Variants in RNGTT observed in about 807,000 individuals in gnomAD.
RNGTT encodes mRNA-capping enzyme.
In RNGTT, 33 loss-of-function variants were observed where a neutral mutation model predicts 79.3. That is an observed-to-expected ratio of 0.42 (90% CI 0.32 to 0.56). The LOEUF (loss-of-function observed/expected upper bound fraction) is 0.56, where lower values mean the gene tolerates loss of function less well. RNGTT is among the 20% of genes least tolerant of loss of function. RNGTT has a pLI of 0.17. For missense variants in RNGTT, 497 were observed against 739.1 expected, an observed-to-expected ratio of 0.67 and a Z score of 3.80; for synonymous variants, 222 against 235.9, an observed-to-expected ratio of 0.94 and a Z score of 0.54.
rs71021394 is a variant in RNGTT at position 88,768,139 on chromosome 6, A to AGTGTGTGTGTGTGT, written c.1439+1621_1439+1634dup. Among the ~76,000 whole-genome samples the AGTGTGTGTGTGTGT allele has an allele frequency of 9.2e-3, 1,364 of 148,884 alleles. 8 individuals carry two copies. Among genetic ancestry groups the AGTGTGTGTGTGTGT allele is most frequent in the African/African-American group, 0.025 (1,022 of 40,672 alleles). On this transcript the variant is annotated intron_variant, in intron 13 of 15. Transcript: ENST00000369485. ...AATTAAGCCACAAACATTTAGGGAT[A>AGTGTGTGTGTGTGT]GTGTGTGTGTGTGTGTGTGTGTTTC...
In RNGTT at chr6:88,793,693, C is replaced by T. The variant is rs537893380; in HGVS notation, c.1338+7871G>A. Among the ~76,000 whole-genome samples the T allele has an allele frequency of 1.1e-3, 174 of 152,182 alleles. 5 individuals are homozygous for T. Among genetic ancestry groups the T allele is most frequent in the African/African-American group, 4.0e-3 (167 of 41,556 alleles). ...TAGCCTGGCCAACAAGGTAAAATGC[C>T]ATTTCTACTAAAGAATCACTTGAAC... On this transcript the variant is annotated intron_variant, in intron 12 of 15. Coordinates refer to ENST00000369485, the MANE Select transcript of RNGTT (RefSeq NM_003800.5).
intron 4 of RNGTT, among the ~76,000 whole-genome samples, chr6:88,906,865 T>A (rs1463128012): frequency 6.6e-6 from 1 of 152,190 alleles, no homozygotes; most frequent in Admixed American, 6.5e-5. Context: ...CAATGGCATA[T>A]ATTTGCAAAA....
rs1451108147 is a variant in RNGTT at position 88,963,484 on chromosome 6, G to A, written c.-75C>T. 4.3e-6 allele frequency: 6 copies of A among 1,388,690 alleles called. No homozygotes were observed. The highest frequency in any genetic ancestry group is 3.0e-5 in the African/African-American group (2 of 67,540). The allele number at this position is 1,388,690 out of a possible 1,614,324, so 86.0% of individuals were successfully genotyped here. A position where few individuals can be genotyped will look rare whatever the true frequency, so the allele number is the denominator to read the frequency against. ...TTTGGAGCCGCCTCCCCGTGGTCCG[G>A]TGCACACCGGGGTCCGAGACACCCG... On this transcript the variant is annotated 5_prime_UTR_variant, in exon 1 of 16. Coordinates refer to ENST00000369485, the MANE Select transcript of RNGTT (RefSeq NM_003800.5).
At chr6:88,930,474 G>T (rs1223166423) in intron 2 of RNGTT, among the ~76,000 whole-genome samples, 1 of 151,344 alleles carries the variant, frequency 6.6e-6, no homozygotes, top group East Asian at 1.9e-4. Flanking sequence ...GTGTTTGGGG[G>T]GAAAAAGATT....
At chr6:88,652,159 C>T (rs955616080) in intron 14 of RNGTT, among the ~76,000 whole-genome samples, 1 of 152,186 alleles carries the variant, frequency 6.6e-6, no homozygotes, top group African/African-American at 2.4e-5. Context: ...GATCTTGTGA[C>T]ACTGTAAAAA....
At chr6:88,704,204 G>A (rs1428384282) in intron 13 of RNGTT, among the ~76,000 whole-genome samples, 1 of 135,914 alleles carries the variant, frequency 7.4e-6, no homozygotes, top group Non-Finnish European at 1.5e-5. Context: ...AGCTTGCAGT[G>A]AGCCGAGATA....
intron 13 of RNGTT, among the ~76,000 whole-genome samples, chr6:88,686,929 A>T (rs999660560): frequency 6.8e-6 from 1 of 146,848 alleles, no homozygotes; most frequent in Admixed American, 6.6e-5. Flanking sequence ...CAATCTTGAT[A>T]TAACAAGGAA....
intron 12 of RNGTT, among the ~76,000 whole-genome samples, chr6:88,796,209 T>C (rs761203211): frequency 7.9e-5 from 12 of 152,204 alleles, no homozygotes; most frequent in Non-Finnish European, 1.6e-4. Context: ...ATTATTAAAA[T>C]TAATTTTACC....
chr6:88,938,515 A>G (rs188324995), intron 2 of RNGTT, among the ~76,000 whole-genome samples: 21 of 152,332 alleles, frequency 1.4e-4, no homozygotes, highest in Admixed American at 1.2e-3. Context: ...TGGAAAGTGT[A>G]ATCCACTTAC....
At chr6:88,760,702 G>A (rs1778187197) in intron 13 of RNGTT, among the ~76,000 whole-genome samples, 1 of 151,908 alleles carries the variant, frequency 6.6e-6, no homozygotes, top group South Asian at 2.1e-4. Context: ...TGTGAAAGAG[G>A]CAGAGGGTAG....
intron 12 of RNGTT, among the ~76,000 whole-genome samples, chr6:88,793,110 T>C (rs984908611): frequency 6.6e-6 from 1 of 152,136 alleles, no homozygotes; most frequent in Non-Finnish European, 1.5e-5. Flanking sequence ...ATCAAAAATA[T>C]GATGAAAGGT....
intron 12 of RNGTT, among the ~76,000 whole-genome samples, chr6:88,793,395 T>A (rs1447658870): frequency 1.3e-5 from 2 of 152,216 alleles, no homozygotes; most frequent in African/African-American, 4.8e-5. Context: ...TAAACTAATC[T>A]AGAATCTGTT....
In RNGTT at chr6:88,652,516, CA is replaced by C. The variant is rs201854300; in HGVS notation, c.1506+25836del. ...AAAGATCCCTCCAATCCACACACCA[CA>C]ACATTAATGACAAGATGTCACTTAC... is the stretch of plus-strand genomic sequence containing the variant. On this transcript the variant is annotated intron_variant, in intron 14 of 15. Transcript: ENST00000369485. 6.8e-3 allele frequency among the ~76,000 whole-genome samples: 1,038 copies of C among 152,298 alleles called. 11 individuals are homozygous for C. The highest frequency in any genetic ancestry group is 0.023 in the African/African-American group (951 of 41,578).
intron 4 of RNGTT, among the ~76,000 whole-genome samples, chr6:88,923,130 T>C (rs2127951049): frequency 6.6e-6 from 1 of 152,358 alleles, no homozygotes; most frequent in East Asian, 1.9e-4. Context: ...CACATAATGT[T>C]TGGCTGTCCC....
At chr6:88,840,724 C>T (rs1186510866) in intron 11 of RNGTT, among the ~76,000 whole-genome samples, 2 of 152,162 alleles carry the variant, frequency 1.3e-5, no homozygotes, top group East Asian at 3.9e-4. Flanking sequence ...AAAGAAATAT[C>T]CTATGATTTT....
chr6:88,726,799 G>C (rs771747811), intron 13 of RNGTT, among the ~76,000 whole-genome samples: 1 of 152,190 alleles, frequency 6.6e-6, no homozygotes, highest in Non-Finnish European at 1.5e-5. Flanking sequence ...AATATGGACT[G>C]AATGAGGTCT....
At chr6:88,641,304 A>C (rs1188257966) in intron 14 of RNGTT, among the ~76,000 whole-genome samples, 1 of 150,522 alleles carries the variant, frequency 6.6e-6, no homozygotes, top group Non-Finnish European at 1.5e-5. Context: ...GCGCCACTGC[A>C]CTCTAGCTTG....
At chr6:88,888,001 C>G (rs1315538088) in intron 8 of RNGTT, among the ~76,000 whole-genome samples, 2 of 152,100 alleles carry the variant, frequency 1.3e-5, no homozygotes, top group Non-Finnish European at 2.9e-5. Flanking sequence ...TCTGTAATCC[C>G]AGCGACTCTG....
Position 88,775,501 on chromosome 6 carries a change from G to A in RNGTT, c.1339-5627C>T, listed in dbSNP as rs966506602. Among the ~76,000 whole-genome samples, 11 of 152,216 alleles carry A rather than the reference G, an allele frequency of 7.2e-5. No homozygotes were observed. The South Asian group carries it at 2.1e-3, about 29-fold the overall frequency. ...CCACAACTGAGAGGGGGGATAAAAA[G>A]CATGCTCTCCCTCTGACCTGAGCTT... On this transcript the variant is annotated intron_variant, in intron 12 of 15. Coordinates refer to ENST00000369485, the MANE Select transcript of RNGTT (RefSeq NM_003800.5).
Sources: gnomAD v4.1 joint callset for allele counts (sites outside exome capture counted in the v4.1 genomes callset) on GRCh38, gnomAD v4.1.1 for gene constraint, MANE v1.5 for transcripts, NCBI Gene and HGNC (gene_info 2026-07-23, HGNC 2026-07-21) for gene names.